SOBP: variants seen among roughly 807,000 people sequenced by gnomAD.
SOBP encodes sine oculis-binding protein homolog.
SOBP carries 4 observed loss-of-function variants against 53.6 expected under a neutral mutation model. The ratio of observed to expected loss-of-function variants is 0.07; its 90% confidence interval spans 0.04 to 0.17. The LOEUF (loss-of-function observed/expected upper bound fraction) is 0.17. SOBP is among the 10% of genes least tolerant of loss of function. The pLI is 1.00. For missense variants in SOBP, 1,088 were observed against 1,204.7 expected (o/e 0.90, Z 1.43); for synonymous variants, 584 against 522.6 (o/e 1.12, Z -1.60).
At chr6:107,560,972 C>T (rs951333492) in intron 4 of SOBP, among the ~76,000 whole-genome samples, 5 of 152,182 alleles carry the variant, frequency 3.3e-5, no homozygotes, top group African/African-American at 9.7e-5. Context: ...ATAATATACT[C>T]GCTTTCAGTT....
chr6:107,616,705 A>C (rs1216475410), intron 5 of SOBP, among the ~76,000 whole-genome samples: 1 of 152,236 alleles, frequency 6.6e-6, no homozygotes, highest in Non-Finnish European at 1.5e-5. Flanking sequence ...GCTCTCTGCG[A>C]GGGGCCGAGC....
At chr6:107,651,086 C>A (rs550750354) in intron 6 of SOBP, among the ~76,000 whole-genome samples, 2 of 152,142 alleles carry the variant, frequency 1.3e-5, no homozygotes, top group South Asian at 2.1e-4. Flanking sequence ...GGAAACATGG[C>A]AAAACCCTGT....
chr6:107,607,544 G>A (rs1420453447), intron 5 of SOBP, among the ~76,000 whole-genome samples: 1 of 152,008 alleles, frequency 6.6e-6, no homozygotes, highest in Non-Finnish European at 1.5e-5. Flanking sequence ...TACGCATTTG[G>A]CACCTGGTAC....
chr6:107,594,739 G>A (rs972144182), intron 5 of SOBP, among the ~76,000 whole-genome samples: 3 of 152,232 alleles, frequency 2.0e-5, no homozygotes, highest in African/African-American at 4.8e-5. Flanking sequence ...TGATCTGTCT[G>A]TATAGACCCC....
chr6:107,576,711 G>A (rs912233335), intron 4 of SOBP, among the ~76,000 whole-genome samples: 5 of 152,200 alleles, frequency 3.3e-5, no homozygotes, highest in Non-Finnish European at 5.9e-5. Flanking sequence ...TGGCTTTGAA[G>A]CATCTGCAGC....
At chr6:107,520,905 G>A (rs1783466045) in intron 3 of SOBP, among the ~76,000 whole-genome samples, 2 of 152,086 alleles carry the variant, frequency 1.3e-5, no homozygotes, top group Non-Finnish European at 2.9e-5. Context: ...CACAAGAGGT[G>A]TCCCATACAC....
At chr6:107,515,435 G>A (rs1277934350) in intron 3 of SOBP, among the ~76,000 whole-genome samples, 1 of 152,184 alleles carries the variant, frequency 6.6e-6, no homozygotes, top group Non-Finnish European at 1.5e-5. Context: ...ATAATTTAGT[G>A]TAATTTTATT....
In SOBP at chr6:107,516,772, A is replaced by G. The variant is rs79188243; in HGVS notation, c.421+10345A>G. Among the ~76,000 whole-genome samples the G allele has an allele frequency of 5.2e-3, 797 of 152,286 alleles. 26 individuals carry two copies. Among genetic ancestry groups the G allele is most frequent in the Admixed American group, 0.037 (570 of 15,288 alleles). On this transcript the variant is annotated intron_variant, in intron 3 of 6. Transcript: ENST00000317357. Reference sequence around the variant, plus strand: ...TCTTAAAAATATAATTTAAAGTAGTATCAGACCCATCAAATACCCAGGAAA... The same window carrying G: ...TCTTAAAAATATAATTTAAAGTAGTGTCAGACCCATCAAATACCCAGGAAA...
intron 3 of SOBP, among the ~76,000 whole-genome samples, chr6:107,528,549 C>T (rs910891941): frequency 6.6e-6 from 1 of 152,186 alleles, no homozygotes; most frequent in African/African-American, 2.4e-5. Context: ...AAATCCATGT[C>T]TCATAGTCAT....
intron 3 of SOBP, among the ~76,000 whole-genome samples, chr6:107,506,901 C>CA (rs1385154040): frequency 2.6e-5 from 4 of 151,706 alleles, no homozygotes; most frequent in African/African-American, 9.7e-5. Flanking sequence ...ACTAAAAATA[C>CA]AAAAAATTAG....
intron 5 of SOBP, among the ~76,000 whole-genome samples, chr6:107,606,907 C>T (rs902218888): frequency 6.6e-6 from 1 of 152,210 alleles, no homozygotes; most frequent in Admixed American, 6.5e-5. Context: ...AGCTTATCAC[C>T]ACCCCCATCC....
chr6:107,605,443 T>C (rs998695712), intron 5 of SOBP, among the ~76,000 whole-genome samples: 1 of 152,202 alleles, frequency 6.6e-6, no homozygotes, highest in African/African-American at 2.4e-5. Flanking sequence ...AAAAACAAAT[T>C]TGCTAAATCA....
chr6:107,606,788 C>T (rs1786401822), intron 5 of SOBP, among the ~76,000 whole-genome samples: 1 of 152,194 alleles, frequency 6.6e-6, no homozygotes, highest in Admixed American at 6.5e-5. Flanking sequence ...TGACTGGCCT[C>T]CCTCTGCTCA....
chr6:107,515,783 T>A (rs1672801326), intron 3 of SOBP, among the ~76,000 whole-genome samples: 1 of 152,120 alleles, frequency 6.6e-6, no homozygotes. Context: ...CTGTTCATCA[T>A]GAACATTCAT....
At chr6:107,613,113 T>G (rs1469442925) in intron 5 of SOBP, among the ~76,000 whole-genome samples, 2 of 152,238 alleles carry the variant, frequency 1.3e-5, no homozygotes, top group Non-Finnish European at 2.9e-5. Flanking sequence ...TGATGTACAC[T>G]GAAGTTTGAG....
intron 6 of SOBP, among the ~76,000 whole-genome samples, chr6:107,656,335 G>C (rs1363952837): frequency 2.2e-4 from 1 of 4,642 alleles, no homozygotes; most frequent in African/African-American, 4.0e-4. Context: ...AAGAAAGAAA[G>C]AAAGAAAGAG....
chr6:107,552,413 T>C (rs1055293358), intron 4 of SOBP, among the ~76,000 whole-genome samples: 11 of 152,030 alleles, frequency 7.2e-5, no homozygotes, highest in African/African-American at 2.7e-4. Flanking sequence ...CAGGTGAAAA[T>C]GAAGCAAAGG....
intron 4 of SOBP, among the ~76,000 whole-genome samples, chr6:107,585,921 G>T (rs1323895268): frequency 6.6e-6 from 1 of 152,168 alleles, no homozygotes; most frequent in Middle Eastern, 3.2e-3. Context: ...CATAAGCATT[G>T]TCATCTCTGC....
At chr6:107,591,054 A>G (rs750417778) in intron 5 of SOBP, among the ~76,000 whole-genome samples, 7 of 152,182 alleles carry the variant, frequency 4.6e-5, no homozygotes, top group Non-Finnish European at 1.0e-4. Flanking sequence ...GTGGGCCCTC[A>G]GGTCTTGCCC....
Sources: allele counts gnomAD v4.1 joint callset (sites outside exome capture counted in the v4.1 genomes callset), GRCh38; gene constraint gnomAD v4.1.1; transcripts MANE v1.5; gene names NCBI Gene and HGNC (gene_info 2026-07-23, HGNC 2026-07-21).